The following TSPAN11 variants were observed in gnomAD, a reference collection of about 807,000 sequenced individuals.
TSPAN11 encodes tetraspanin-11.
Under a neutral mutation model 32.9 loss-of-function variants are expected in TSPAN11, and 29 were observed. The observed-to-expected ratio is 0.88, with a 90% CI of 0.66 to 1.20. The LOEUF (loss-of-function observed/expected upper bound fraction) is 1.20. Ranked by LOEUF, TSPAN11 falls within the 50% of genes most tolerant of loss-of-function variation. TSPAN11 has a pLI of 0.00. For synonymous variants in TSPAN11, 140 were observed against 141.3 expected, an observed-to-expected ratio of 0.99 and a Z score of 0.07; for missense variants, 283 against 329.1, an observed-to-expected ratio of 0.86 and a Z score of 1.08.
intron 7 of TSPAN11, among the ~76,000 whole-genome samples, chr12:30,990,198 C>A (rs1406168519): frequency 6.6e-6 from 1 of 152,150 alleles, no homozygotes; most frequent in Non-Finnish European, 1.5e-5. Context: ...GGGTCTGGCC[C>A]ACACACCTCT....
At chr12:30,942,003 G>A (rs1317598637) in intron 1 of TSPAN11, among the ~76,000 whole-genome samples, 2 of 152,156 alleles carry the variant, frequency 1.3e-5, no homozygotes, top group African/African-American at 4.8e-5. Context: ...ATTTTTCATG[G>A]CCACTTGGGA....
intron 2 of TSPAN11, among the ~76,000 whole-genome samples, chr12:30,956,439 C>T (rs571962398): frequency 2.0e-5 from 3 of 152,274 alleles, no homozygotes; most frequent in Admixed American, 6.5e-5. Context: ...CCTAATGGGT[C>T]ACATTCCAAA....
intron 1 of TSPAN11, among the ~76,000 whole-genome samples, chr12:30,944,155 A>C (rs887818292): frequency 1.3e-5 from 2 of 152,154 alleles, no homozygotes; most frequent in Non-Finnish European, 2.9e-5. Flanking sequence ...CATGTACAAC[A>C]TGATTTTTGA....
intron 1 of TSPAN11, among the ~76,000 whole-genome samples, chr12:30,928,157 GTTC>G (rs1382088189): frequency 2.6e-5 from 4 of 152,190 alleles, no homozygotes; most frequent in Non-Finnish European, 4.4e-5. Flanking sequence ...ATTCCCCATA[GTTC>G]TTGTGTGAGT....
At chr12:30,941,819 G>A (rs1938170853) in intron 1 of TSPAN11, among the ~76,000 whole-genome samples, 1 of 152,228 alleles carries the variant, frequency 6.6e-6, no homozygotes, top group Non-Finnish European at 1.5e-5. Flanking sequence ...CCCACCAAGG[G>A]TTCTCCTTTT....
In TSPAN11 at chr12:30,983,273, T is replaced by C. The variant is rs539910216; in HGVS notation, c.702+123T>C. The C allele has an allele frequency of 5.5e-6, 5 of 900,974 alleles. No individual in the cohort carries two copies. The East Asian group carries it at 1.3e-4, about 24-fold the overall frequency. The allele number at this position is 900,974 out of a possible 1,614,324, so 55.8% of individuals were successfully genotyped here. On this transcript the variant is annotated intron_variant, in intron 7 of 7. Coordinates refer to ENST00000546076, the MANE Select transcript of TSPAN11 (RefSeq NM_001370302.1). ...CCCTTTGCACACCCGCACCCTACCC[T>C]GCTCTCTTCTTCTCTCCCCTTCCCT...
At chr12:30,979,819 C>T in intron 5 of TSPAN11, 149 bp downstream of exon 5, 1 of 745,762 alleles carries the variant, frequency 1.3e-6, no homozygotes, top group Non-Finnish European at 2.2e-6. Context: ...CTTTAGGGCA[C>T]ATGAGCATTA....
intron 2 of TSPAN11, among the ~76,000 whole-genome samples, chr12:30,957,232 C>A (rs1016740152): frequency 2.1e-4 from 15 of 72,942 alleles, no homozygotes; most frequent in Non-Finnish European, 3.6e-4. Flanking sequence ...CCTGGGACCC[C>A]CCCCCCCCCC....
In TSPAN11 at chr12:30,992,110, C is replaced by A; in HGVS notation, c.*195C>A. 1.6e-6 allele frequency: 1 copy of A among 635,644 alleles called. No homozygotes were observed. Among genetic ancestry groups the A allele is most frequent in the Non-Finnish European group, 2.8e-6 (1 of 356,720 alleles). 39.4% of individuals were successfully genotyped at this position (635,644 alleles called of 1,614,324 possible). ...CCCAGGCAGAGACCCTCGGCCCCCT[C>A]TCCTCCATTTCTGAGCCCCCATGGC... On this transcript the variant is annotated 3_prime_UTR_variant, in exon 8 of 8. Coordinates refer to ENST00000546076, the MANE Select transcript of TSPAN11 (RefSeq NM_001370302.1).
At chr12:30,967,662 G>A (rs914535464) in intron 3 of TSPAN11, among the ~76,000 whole-genome samples, 5 of 136,228 alleles carry the variant, frequency 3.7e-5, no homozygotes, top group South Asian at 4.5e-4. Flanking sequence ...GTGCATGCAC[G>A]CACACACATT....
chr12:30,975,086 C>T lies in TSPAN11; in HGVS notation c.277-3475C>T, dbSNP rs1011477076. Among the ~76,000 whole-genome samples, 2 of 152,228 alleles carry T rather than the reference C, an allele frequency of 1.3e-5. No homozygotes were observed. The highest frequency in any genetic ancestry group is 1.3e-4 in the Admixed American group (2 of 15,278). ...GGACGCTTGGCCTGTGTGAAGAGAA[C>T]TGTGTGCAGCAACACCAGGAACACT... On this transcript the variant is annotated intron_variant, in intron 3 of 7. Coordinates refer to ENST00000546076, the MANE Select transcript of TSPAN11 (RefSeq NM_001370302.1). This position sits in a 1 kb window ranked among gnomAD's most constrained non-coding sequence, Gnocchi z 4.5.
At chr12:30,981,128 A>G (rs7313690) in intron 5 of TSPAN11, among the ~76,000 whole-genome samples, 102,636 of 152,062 alleles carry the variant, frequency 0.67, 34,913 homozygotes, top group South Asian at 0.75. Flanking sequence ...AGGCTGTGTC[A>G]CTGACGAAGA....
chr12:31,003,296 C>A, the TSPAN11 span, among the ~76,000 whole-genome samples: 1 of 152,208 alleles, frequency 6.6e-6, no homozygotes, highest in Non-Finnish European at 1.5e-5. Flanking sequence ...GCAGGACAGG[C>A]AAGGGGCTTG....
the TSPAN11 span, among the ~76,000 whole-genome samples, chr12:31,005,270 T>C: frequency 1.3e-5 from 2 of 152,230 alleles, no homozygotes; most frequent in African/African-American, 4.8e-5. Flanking sequence ...GTTAAGAAGT[T>C]ACACTGTAAG....
the TSPAN11 span, among the ~76,000 whole-genome samples, chr12:31,008,452 C>T: frequency 6.6e-6 from 1 of 152,170 alleles, no homozygotes; most frequent in Non-Finnish European, 1.5e-5. Context: ...AGGCTAAATG[C>T]GCTAGGCTAA....
intron 2 of TSPAN11, among the ~76,000 whole-genome samples, chr12:30,957,587 T>C (rs905488971): frequency 6.6e-6 from 1 of 152,054 alleles, no homozygotes; most frequent in Non-Finnish European, 1.5e-5. Context: ...CTCTAGGCCT[T>C]GGTTTCTCCA....
intron 3 of TSPAN11, among the ~76,000 whole-genome samples, chr12:30,971,064 G>A (rs774316341): frequency 1.5e-4 from 23 of 152,098 alleles, no homozygotes; most frequent in Non-Finnish European, 2.9e-4. Flanking sequence ...TCTCCTCCCT[G>A]CAACTTAACC....
chr12:30,979,498 T>C, intron 4 of TSPAN11, 68 bp from the exon 5 acceptor site: 1 of 1,443,222 alleles, frequency 6.9e-7, no homozygotes, highest in Non-Finnish European at 9.7e-7. Context: ...GAGTTGGAAG[T>C]GGGCCCGGTG....
Position 30,987,383 on chromosome 12 carries a change from T to C in TSPAN11, c.702+4233T>C, listed in dbSNP as rs921334178. On this transcript the variant is annotated intron_variant, in intron 7 of 7. Coordinates refer to ENST00000546076, the MANE Select transcript of TSPAN11 (RefSeq NM_001370302.1). Reference sequence around the variant, plus strand: ...CAGCACTTTGGGAGGCCGAGTCAGGTGGATCATGAACTTAAGAGATCAAGA... The same window carrying C: ...CAGCACTTTGGGAGGCCGAGTCAGGCGGATCATGAACTTAAGAGATCAAGA... Among the ~76,000 whole-genome samples the C allele has an allele frequency of 1.1e-4, 16 of 151,892 alleles. No individual in the cohort carries two copies. The East Asian group carries it at 3.1e-3, about 29-fold the overall frequency.
Sources: gnomAD v4.1 joint callset for allele counts (sites outside exome capture counted in the v4.1 genomes callset) on GRCh38, gnomAD v4.1.1 for gene constraint, Gnocchi (gnomAD v3.1) non-coding constraint, MANE v1.5 for transcripts, NCBI Gene and HGNC (gene_info 2026-07-23, HGNC 2026-07-21) for gene names.